The following ZNF609 variants were observed in gnomAD, a reference collection of about 807,000 sequenced individuals.
ZNF609 encodes zinc finger protein 609.
In ZNF609, 11 loss-of-function variants were observed where a neutral mutation model predicts 109.5. The observed-to-expected ratio is 0.10, with a 90% CI of 0.06 to 0.17. The LOEUF (loss-of-function observed/expected upper bound fraction) is 0.17. Among genes scored for constraint, ZNF609 ranks in the 10% least tolerant of loss-of-function variants. The pLI, the probability that ZNF609 is intolerant of heterozygous loss-of-function variation, is 1.00. For missense variants in ZNF609, 1,559 were observed against 1,772.4 expected (o/e 0.88, Z 2.16); for synonymous variants, 646 against 662.0 (o/e 0.98, Z 0.37).
intron 2 of ZNF609, chr15:64,529,779 G>A: frequency 2.0e-6 from 1 of 496,066 alleles, no homozygotes; most frequent in East Asian, 4.5e-5. Flanking sequence ...TACCCAGGCT[G>A]GAGTGCAATG....
intron 2 of ZNF609, among the ~76,000 whole-genome samples, chr15:64,618,885 A>AGGGGCT: frequency 6.6e-6 from 1 of 151,986 alleles, no homozygotes; most frequent in East Asian, 1.9e-4. Context: ...AGGCACAGGG[A>AGGGGCT]GGGGCTGTGG....
At chr15:64,665,912 T>G (rs922694031) in intron 3 of ZNF609, among the ~76,000 whole-genome samples, 5 of 149,230 alleles carry the variant, frequency 3.4e-5, no homozygotes, top group Middle Eastern at 3.4e-3. Context: ...ATCTCAAAAA[T>G]AAAAATTAAA....
chr15:64,560,293 G>T (rs533710290), intron 2 of ZNF609, among the ~76,000 whole-genome samples: 13 of 151,702 alleles, frequency 8.6e-5, no homozygotes, highest in South Asian at 6.3e-4. Flanking sequence ...TGATCTGCCC[G>T]CCTCGGCCTC....
chr15:64,473,239 C>T (rs1893116500), intron 1 of ZNF609, among the ~76,000 whole-genome samples: 1 of 137,886 alleles, frequency 7.3e-6, no homozygotes. Context: ...TGCTCTGTCG[C>T]CCAGGCTGGA....
chr15:64,530,350 T>C (rs1894041513), intron 2 of ZNF609, among the ~76,000 whole-genome samples: 1 of 152,202 alleles, frequency 6.6e-6, no homozygotes, highest in African/African-American at 2.4e-5. Flanking sequence ...TTGAGCATAT[T>C]ACCTAGCCTC....
chr15:64,669,268 T>A (rs1241486268), intron 3 of ZNF609, among the ~76,000 whole-genome samples: 1 of 152,180 alleles, frequency 6.6e-6, no homozygotes, highest in African/African-American at 2.4e-5. Flanking sequence ...TTGTACAAGA[T>A]TATTCATTGC....
chr15:64,495,598 G>C (rs554112875), intron 1 of ZNF609, among the ~76,000 whole-genome samples: 11 of 151,732 alleles, frequency 7.2e-5, no homozygotes, highest in Admixed American at 2.6e-4. Context: ...AAAGGGTTTC[G>C]TCATGCTGGC....
Position 64,648,886 on chromosome 15 carries a change from T to G in ZNF609, c.974-21460T>G, listed in dbSNP as rs1896374095. Among the ~76,000 whole-genome samples, 3 of 152,246 alleles carry G rather than the reference T, an allele frequency of 2.0e-5. No homozygotes were observed. The South Asian group carries it at 6.2e-4, about 32-fold the overall frequency. ...TAGTGGGATTATATTGGAGTCTGAA[T>G]CTTACTTTAGTGGCCAGATTCAGTG... is the stretch of plus-strand genomic sequence containing the variant. On this transcript the variant is annotated intron_variant, in intron 3 of 9. Coordinates refer to ENST00000326648, the MANE Select transcript of ZNF609 (RefSeq NM_015042.2).
chr15:64,494,090 C>T (rs1595698449), intron 1 of ZNF609, among the ~76,000 whole-genome samples: 1 of 152,288 alleles, frequency 6.6e-6, no homozygotes, highest in African/African-American at 2.4e-5. Flanking sequence ...TACGAAAACT[C>T]TTCACTCTCA....
At chr15:64,677,511 T>G (rs1896825622) in intron 5 of ZNF609, among the ~76,000 whole-genome samples, 1 of 152,180 alleles carries the variant, frequency 6.6e-6, no homozygotes, top group South Asian at 2.1e-4. Flanking sequence ...CCTCCACTGT[T>G]TGGTTCCTAT....
chr15:64,487,053 T>C (rs1396540197), intron 1 of ZNF609, among the ~76,000 whole-genome samples: 1 of 152,238 alleles, frequency 6.6e-6, no homozygotes, highest in Non-Finnish European at 1.5e-5. Flanking sequence ...AGCCGTTTGA[T>C]ATACTACTAT....
intron 2 of ZNF609, among the ~76,000 whole-genome samples, chr15:64,608,927 G>A (rs747665383): frequency 3.0e-4 from 46 of 151,752 alleles, no homozygotes; most frequent in Non-Finnish European, 6.2e-4. Context: ...TTTAAAGATG[G>A]GGTCTTCCTA....
intron 2 of ZNF609, among the ~76,000 whole-genome samples, chr15:64,614,951 T>C (rs1239531534): frequency 6.6e-6 from 1 of 151,426 alleles, no homozygotes; most frequent in Non-Finnish European, 1.5e-5. Flanking sequence ...CCTGAGTAGC[T>C]GGGATTGCAG....
chr15:64,608,933 TC>T (rs1010641131), intron 2 of ZNF609, among the ~76,000 whole-genome samples: 5 of 152,080 alleles, frequency 3.3e-5, no homozygotes, highest in African/African-American at 1.2e-4. Flanking sequence ...GATGGGGTCT[TC>T]CTATGTTGCC....
At chr15:64,676,366 A>T in intron 5 of ZNF609, 110 bp downstream of exon 5, 2 of 933,784 alleles carry the variant, frequency 2.1e-6, no homozygotes, top group Non-Finnish European at 3.1e-6. Flanking sequence ...GATTAGCAGG[A>T]GAGATGTATA....
intron 2 of ZNF609, among the ~76,000 whole-genome samples, chr15:64,612,690 G>A (rs1172408715): frequency 1.3e-5 from 2 of 150,900 alleles, no homozygotes; most frequent in Non-Finnish European, 2.9e-5. Flanking sequence ...CCAAAGGCAG[G>A]GGAGAGGCAG....
At chr15:64,593,310 C>G in intron 2 of ZNF609, 1 of 1,384,500 alleles carries the variant, frequency 7.2e-7, no homozygotes. Flanking sequence ...CCACGTCCCC[C>G]ACCAAAGCCC....
intron 2 of ZNF609, among the ~76,000 whole-genome samples, chr15:64,601,875 TA>T (rs1445078314): frequency 7.2e-5 from 11 of 152,296 alleles, no homozygotes; most frequent in Non-Finnish European, 1.5e-5. Context: ...TGCAGTAGCA[TA>T]GTATAGTGGA....
intron 2 of ZNF609, among the ~76,000 whole-genome samples, chr15:64,505,660 A>G (rs563025858): frequency 5.4e-4 from 82 of 152,242 alleles, no homozygotes; most frequent in African/African-American, 1.8e-3. Flanking sequence ...CTTGGACCCT[A>G]CCCTAGATAT....
Sources: gnomAD v4.1 joint callset for allele counts (sites outside exome capture counted in the v4.1 genomes callset) on GRCh38, gnomAD v4.1.1 for gene constraint, MANE v1.5 for transcripts, NCBI Gene and HGNC (gene_info 2026-07-23, HGNC 2026-07-21) for gene names.